The following UNC13C variants were observed in gnomAD, a reference collection of about 807,000 sequenced individuals.
UNC13C encodes protein unc-13 homolog C.
A neutral mutation model predicts 245.4 loss-of-function variants in UNC13C; 174 were observed. The observed-to-expected ratio is 0.71, with a 90% CI of 0.63 to 0.80. The LOEUF (loss-of-function observed/expected upper bound fraction) is 0.80. Among genes scored for constraint, UNC13C ranks in the 30% least tolerant of loss-of-function variants. The pLI is 0.00. For missense variants in UNC13C, 2,829 were observed against 2,602.9 expected (o/e 1.09, Z -1.89); for synonymous variants, 992 against 895.1 (o/e 1.11, Z -1.93).
the UNC13C span, among the ~76,000 whole-genome samples, chr15:53,937,041 A>G: frequency 6.6e-6 from 1 of 152,220 alleles, no homozygotes; most frequent in Non-Finnish European, 1.5e-5. Context: ...AGATGGCTGA[A>G]TTGACAGAAG....
intron 19 of UNC13C, among the ~76,000 whole-genome samples, chr15:54,481,245 A>G (rs993874924): frequency 2.0e-5 from 3 of 151,884 alleles, no homozygotes; most frequent in African/African-American, 7.3e-5. Context: ...TGGTGGCGTC[A>G]GTATGCATAA....
At chr15:54,247,418 T>C (rs775266938) in intron 7 of UNC13C, among the ~76,000 whole-genome samples, 20 of 152,188 alleles carry the variant, frequency 1.3e-4, no homozygotes, top group Non-Finnish European at 5.9e-5. Context: ...ACAAGAATCC[T>C]CTATTATGAG....
intron 11 of UNC13C, among the ~76,000 whole-genome samples, chr15:54,296,391 T>TTTTTTTTTTTTTG (rs529076917): frequency 2.6e-4 from 36 of 137,892 alleles, no homozygotes; most frequent in African/African-American, 8.8e-4. Flanking sequence ...TTATTTTTTT[T>TTTTTTTTTTTTTG]TATTTTTTAG....
chr15:54,116,391 T>C (rs1378629754), intron 2 of UNC13C, among the ~76,000 whole-genome samples: 2 of 152,150 alleles, frequency 1.3e-5, no homozygotes, highest in African/African-American at 4.8e-5. Context: ...TCTAACTCTA[T>C]ATTTGTGCCC....
chr15:54,015,422 C>A lies in UNC13C; in HGVS notation c.2519C>A (p.Thr840Asn). The change falls in exon 2 of 33, where the codon ACT becomes AAT. Residue 840 changes from threonine (T) to asparagine (N), a missense_variant. Thr to Asn is a moderately conservative substitution (Grantham distance 65, BLOSUM62 0). Coordinates refer to ENST00000260323, the MANE Select transcript of UNC13C (RefSeq NM_001080534.3). ...MGRFRTLSQS[T>N]ANESSTTLDS... ...AGATTTCGGACATTATCTCAATCAACTGCAAATGAGTCAAGTACCACACTT... is the reference window on the plus strand; with the variant it reads ...AGATTTCGGACATTATCTCAATCAAATGCAAATGAGTCAAGTACCACACTT... The A allele has an allele frequency of 6.2e-7, 1 of 1,613,660 alleles. No individual in the cohort carries two copies.
chr15:53,899,468 T>C, the UNC13C span, among the ~76,000 whole-genome samples: 1 of 152,246 alleles, frequency 6.6e-6, no homozygotes, highest in African/African-American at 2.4e-5. Context: ...TCTAAAAGAA[T>C]TACATTCCAA....
intron 2 of UNC13C, among the ~76,000 whole-genome samples, chr15:54,109,270 C>CCTCCG (rs1567020532): frequency 5.1e-5 from 4 of 77,876 alleles, no homozygotes; most frequent in African/African-American, 2.2e-4. Context: ...CTTTCCCTCT[C>CCTCCG]CTCCCCTCCC....
At chr15:54,623,690 G>C (rs1296192570) in intron 31 of UNC13C, 105 bp from the exon 32 acceptor site, 1 of 1,002,296 alleles carries the variant, frequency 1.0e-6, no homozygotes, top group Non-Finnish European at 1.5e-6. Context: ...TGTCAGTGGA[G>C]TTAGGGCACT....
the UNC13C span, among the ~76,000 whole-genome samples, chr15:53,901,570 T>C: frequency 5.3e-5 from 8 of 152,252 alleles, no homozygotes; most frequent in South Asian, 6.2e-4. Context: ...ATTTAGTCCC[T>C]CCTCTATCTA....
At chr15:54,321,486 C>T (rs1176127681) in intron 13 of UNC13C, 3 of 481,252 alleles carry the variant, frequency 6.2e-6, no homozygotes, top group Non-Finnish European at 1.2e-5. Flanking sequence ...ACCTCCTCCA[C>T]AGTGGCATAT....
chr15:54,512,628 C>T (rs910460381), intron 24 of UNC13C, among the ~76,000 whole-genome samples: 5 of 152,154 alleles, frequency 3.3e-5, no homozygotes, highest in Admixed American at 2.0e-4. Flanking sequence ...GGTTTCTCCC[C>T]ATGCCCTTAT....
chr15:54,149,387 G>C (rs1773898870), intron 4 of UNC13C, among the ~76,000 whole-genome samples: 8 of 152,204 alleles, frequency 5.3e-5, no homozygotes. Context: ...TTAGGTAAGA[G>C]TGAAATAGAG....
At chr15:54,192,940 A>G (rs1051697077) in intron 4 of UNC13C, among the ~76,000 whole-genome samples, 5 of 152,018 alleles carry the variant, frequency 3.3e-5, no homozygotes, top group African/African-American at 1.2e-4. Flanking sequence ...AATAAGATGA[A>G]AGGAAAAAGA....
chr15:54,113,082 C>G (rs561114890), intron 2 of UNC13C, among the ~76,000 whole-genome samples: 2 of 129,910 alleles, frequency 1.5e-5, no homozygotes, highest in African/African-American at 2.5e-5. Flanking sequence ...TCATGTTAGG[C>G]GAGATTTTTT....
At chr15:54,165,756 C>T (rs2033142413) in intron 4 of UNC13C, among the ~76,000 whole-genome samples, 1 of 151,778 alleles carries the variant, frequency 6.6e-6, no homozygotes, top group Admixed American at 6.6e-5. Context: ...GTAAATTGTC[C>T]TCAACATACA....
At chr15:53,848,459 A>G in the UNC13C span, among the ~76,000 whole-genome samples, 1 of 152,158 alleles carries the variant, frequency 6.6e-6, no homozygotes, top group South Asian at 2.1e-4. Context: ...TTATTGCTCA[A>G]TTTAATTGCA....
chr15:54,075,466 CG>C (rs1566993452), intron 2 of UNC13C, among the ~76,000 whole-genome samples: 3,561 of 141,282 alleles, frequency 0.025, 248 homozygotes, highest in African/African-American at 0.08. Flanking sequence ...TGCAGTGAGC[CG>C]GAGCTTGCAG....
rs556249039 is a variant in UNC13C at position 54,521,698 on chromosome 15, T to C, written c.5458-3851T>C. Among the ~76,000 whole-genome samples the C allele has an allele frequency of 3.3e-5, 5 of 152,340 alleles. No homozygotes were observed. In the South Asian group the frequency reaches 8.3e-4, roughly 25 times the overall value. On this transcript the variant is annotated intron_variant, in intron 24 of 32. Transcript: ENST00000260323. ...CACCTGACATGGTCTGGCAATGAGA[T>C]AGATATTTGAAATCAGGATTAACTT...
At chr15:54,336,421 T>TAA (rs2038577307) in intron 16 of UNC13C, among the ~76,000 whole-genome samples, 2 of 152,066 alleles carry the variant, frequency 1.3e-5, no homozygotes, top group African/African-American at 4.8e-5. Flanking sequence ...TTGCCTTGTT[T>TAA]GTGCCTTGTC....
Sources: allele counts gnomAD v4.1 joint callset (sites outside exome capture counted in the v4.1 genomes callset), GRCh38; gene constraint gnomAD v4.1.1; transcripts MANE v1.5; gene names NCBI Gene and HGNC (gene_info 2026-07-23, HGNC 2026-07-21).